EIF4G3: variants seen among roughly 807,000 people sequenced by gnomAD.
EIF4G3 encodes the protein eukaryotic translation initiation factor 4 gamma 3.
In EIF4G3, 34 loss-of-function variants were observed where a neutral mutation model predicts 186.4. The ratio of observed to expected loss-of-function variants is 0.18; its 90% CI spans 0.14 to 0.24. The LOEUF (loss-of-function observed/expected upper bound fraction) is 0.24, where lower values mean the gene tolerates loss of function less well. EIF4G3 is among the 10% of genes least tolerant of loss of function. The pLI is 1.00. For missense variants in EIF4G3, 1,536 were observed against 1,948.5 expected (o/e 0.79, Z 3.99); for synonymous variants, 673 against 679.5 (o/e 0.99, Z 0.15).
intron 30 of EIF4G3, among the ~76,000 whole-genome samples, chr1:20,832,259 C>T (rs1461041677): frequency 3.8e-5 from 5 of 132,572 alleles, no homozygotes; most frequent in East Asian, 4.5e-4. Context: ...TCCACATCCT[C>T]TCCAGCACCT....
chr1:21,107,133 T>C (rs992875715), intron 2 of EIF4G3, among the ~76,000 whole-genome samples: 1 of 152,156 alleles, frequency 6.6e-6, no homozygotes, highest in African/African-American at 2.4e-5. Flanking sequence ...GCTCAATAAA[T>C]GTTACTATCA....
rs1303452347 is a variant in EIF4G3 at position 20,886,301 on chromosome 1, G to C, written c.2324C>G (p.Ser775Cys). The change falls in exon 19 of 37, where the codon TCT (serine) becomes TGT (cysteine). Residue 775 changes from serine (S) to cysteine (C), a missense_variant. By Grantham distance (112) the Ser-to-Cys change is moderately radical. Around this residue, in one of 11 missense-constraint regions of EIF4G3, gnomAD observed 139 missense variants for 192.8 expected, o/e 0.72. Transcript: ENST00000602326. ...RREPRKIITVSVKEDVHLKKA... is the reference protein window; with the variant it reads ...RREPRKIITVCVKEDVHLKKA... ...TTTCAGGTGTACATCTTCTTTTACA[G>C]AAACTGTGATGATCTTTCTGGGTTC... 6.2e-7 allele frequency: 1 copy of C among 1,614,066 alleles called. No homozygotes were observed. Among genetic ancestry groups the C allele is most frequent in the African/African-American group, 1.3e-5 (1 of 75,010 alleles).
chr1:21,053,448 CCCG>C (rs1335942843), intron 3 of EIF4G3, among the ~76,000 whole-genome samples: 2 of 151,076 alleles, frequency 1.3e-5, no homozygotes, highest in Non-Finnish European at 3.0e-5. Context: ...GGCCAGCCGC[CCCG>C]TCCGGGAGGT....
intron 14 of EIF4G3, among the ~76,000 whole-genome samples, chr1:20,938,976 A>G (rs996817144): frequency 6.6e-6 from 1 of 151,904 alleles, no homozygotes; most frequent in Admixed American, 6.6e-5. Context: ...GCGTGGTGGC[A>G]CACGCCTATA....
chr1:20,925,011 C>T (rs2094778869), intron 14 of EIF4G3, among the ~76,000 whole-genome samples: 1 of 152,094 alleles, frequency 6.6e-6, no homozygotes, highest in African/African-American at 2.4e-5. Context: ...TCTTGTCTTC[C>T]CCATCTTGCT....
chr1:20,817,639 C>A, intron 33 of EIF4G3, 101 bp from the exon 34 acceptor site: 6 of 582,842 alleles, frequency 1.0e-5, no homozygotes, highest in African/African-American at 2.0e-5. Flanking sequence ...TTCTATTTTA[C>A]ATGGAATCAA....
At chr1:21,151,336 T>C (rs1374632470) in intron 2 of EIF4G3, among the ~76,000 whole-genome samples, 2 of 132,382 alleles carry the variant, frequency 1.5e-5, no homozygotes, top group African/African-American at 2.8e-5. Context: ...CCTCCCGGGT[T>C]CACGCCATTC....
At chr1:21,110,138 C>T (rs2096695815) in intron 2 of EIF4G3, among the ~76,000 whole-genome samples, 1 of 152,082 alleles carries the variant, frequency 6.6e-6, no homozygotes, top group South Asian at 2.1e-4. Context: ...TAAATGTGCA[C>T]AATCATAAGG....
At chr1:20,877,300 T>C (rs2081155317) in intron 20 of EIF4G3, among the ~76,000 whole-genome samples, 1 of 152,190 alleles carries the variant, frequency 6.6e-6, no homozygotes, top group African/African-American at 2.4e-5. Context: ...TTAGTTTGCT[T>C]CCATATAACT....
At chr1:20,983,898 T>C (rs1159659037) in intron 7 of EIF4G3, among the ~76,000 whole-genome samples, 2 of 152,180 alleles carry the variant, frequency 1.3e-5, no homozygotes, top group African/African-American at 2.4e-5. Flanking sequence ...GAAAAATAGA[T>C]ACGGGCAATG....
intron 2 of EIF4G3, among the ~76,000 whole-genome samples, chr1:21,125,584 T>C (rs997532101): frequency 4.6e-5 from 7 of 151,892 alleles, no homozygotes; most frequent in South Asian, 4.2e-4. Flanking sequence ...CCAGGCATGG[T>C]GGCGGGTGCC....
At chr1:21,157,360 T>C (rs1207247538) in intron 2 of EIF4G3, among the ~76,000 whole-genome samples, 3 of 152,016 alleles carry the variant, frequency 2.0e-5, no homozygotes, top group South Asian at 4.1e-4. Flanking sequence ...TTTTTTCTTG[T>C]AGTTTTTTTT....
intron 3 of EIF4G3, among the ~76,000 whole-genome samples, chr1:21,063,716 GTGTT>G (rs1194847177): frequency 4.2e-4 from 3 of 7,132 alleles, no homozygotes; most frequent in Non-Finnish European, 4.7e-4. Context: ...GGGGGGGGGG[GTGTT>G]GGGGGGGGGG....
intron 2 of EIF4G3, among the ~76,000 whole-genome samples, chr1:21,148,452 C>T (rs1261969614): frequency 6.6e-6 from 1 of 151,972 alleles, no homozygotes; most frequent in Admixed American, 6.6e-5. Context: ...CCTGTCATCC[C>T]AGCACTTTGG....
chr1:20,887,602 C>T (rs2084623245), intron 18 of EIF4G3, among the ~76,000 whole-genome samples: 1 of 151,356 alleles, frequency 6.6e-6, no homozygotes, highest in African/African-American at 2.4e-5. Flanking sequence ...TCAAATGCAT[C>T]CAGCTAAGGA....
intron 4 of EIF4G3, among the ~76,000 whole-genome samples, chr1:21,010,419 C>CAAAAAAAAAAAAA (rs11318361): frequency 9.9e-6 from 1 of 101,134 alleles, no homozygotes; most frequent in African/African-American, 3.9e-5. Context: ...GACTCTGTCT[C>CAAAAAAAAAAAAA]AAAAAAAAAA....
intron 15 of EIF4G3, among the ~76,000 whole-genome samples, chr1:20,904,485 A>G (rs897088807): frequency 3.3e-5 from 5 of 152,100 alleles, no homozygotes; most frequent in Non-Finnish European, 1.5e-5. Context: ...AGCTGGGACC[A>G]CAGGTATGCG....
intron 4 of EIF4G3, among the ~76,000 whole-genome samples, chr1:21,024,055 C>G (rs1459801601): frequency 6.7e-4 from 100 of 150,310 alleles, no homozygotes; most frequent in African/African-American, 2.4e-3. Context: ...GGAGACCCTC[C>G]GCCCGGCAGC....
chr1:21,160,660 T>C (rs2097751790), intron 2 of EIF4G3, among the ~76,000 whole-genome samples: 1 of 151,528 alleles, frequency 6.6e-6, no homozygotes, highest in South Asian at 2.1e-4. Context: ...ATCAAACAAA[T>C]CCAAAACGAG....
Sources: gnomAD v4.1 joint callset for allele counts (sites outside exome capture counted in the v4.1 genomes callset) on GRCh38, gnomAD v4.1.1 for gene constraint, gnomAD v4.1.1 regional missense constraint, MANE v1.5 for transcripts, NCBI Gene and HGNC (gene_info 2026-07-23, HGNC 2026-07-21) for gene names.